ME1: variants seen among roughly 807,000 people sequenced by gnomAD.
ME1 encodes the protein NADP-dependent malic enzyme.
A neutral mutation model predicts 66.4 loss-of-function variants in ME1; 74 were observed. The observed-to-expected ratio is 1.11, with a 90% confidence interval of 0.92 to 1.35. ME1 has a LOEUF of 1.35. Among genes scored for constraint, ME1 ranks in the 40% most tolerant of loss-of-function variants. The pLI is 0.00. For missense variants in ME1, 750 were observed against 694.1 expected (o/e 1.08, Z -0.90); for synonymous variants, 251 against 235.6 (o/e 1.07, Z -0.60).
intron 3 of ME1, among the ~76,000 whole-genome samples, chr6:83,355,275 G>C (rs1414096223): frequency 1.3e-5 from 2 of 152,056 alleles, no homozygotes; most frequent in African/African-American, 4.8e-5. Flanking sequence ...TATAAATTTA[G>C]GGGGTACCAG....
chr6:83,347,362 T>A (rs1228440529), intron 4 of ME1, among the ~76,000 whole-genome samples: 1 of 152,220 alleles, frequency 6.6e-6, no homozygotes, highest in Non-Finnish European at 1.5e-5. Context: ...ATCTTTGTGA[T>A]TCATGTCAGT....
At chr6:83,329,893 C>G (rs1224142238) in intron 5 of ME1, among the ~76,000 whole-genome samples, 3 of 152,252 alleles carry the variant, frequency 2.0e-5, no homozygotes, top group African/African-American at 7.2e-5. Context: ...TGATCATAGA[C>G]AGCTCACTAT....
intron 4 of ME1, among the ~76,000 whole-genome samples, chr6:83,351,174 T>C (rs891958903): frequency 2.0e-5 from 3 of 152,068 alleles, no homozygotes; most frequent in Non-Finnish European, 4.4e-5. Flanking sequence ...GCAGGAGGAC[T>C]GCGTGAGGTC....
Position 83,238,390 on chromosome 6 carries a change from T to C in ME1, c.913-560A>G, listed in dbSNP as rs561431824. 2.6e-5 allele frequency among the ~76,000 whole-genome samples: 4 copies of C among 152,306 alleles called. No individual in the cohort carries two copies. In the South Asian group the frequency reaches 8.3e-4, roughly 32 times the overall value. On this transcript the variant is annotated intron_variant, in intron 8 of 13. Coordinates refer to ENST00000369705, the MANE Select transcript of ME1 (RefSeq NM_002395.6). Reference sequence around the variant, plus strand: ...ATAATTATCTGTGAAATTTCCAATATCTTTCCAGGGACAAACAAGTGCTAG... The same window carrying C: ...ATAATTATCTGTGAAATTTCCAATACCTTTCCAGGGACAAACAAGTGCTAG...
At chr6:83,271,058 C>T (rs1467973664) in intron 6 of ME1, among the ~76,000 whole-genome samples, 1 of 151,074 alleles carries the variant, frequency 6.6e-6, no homozygotes, top group Non-Finnish European at 1.5e-5. Flanking sequence ...AAAACTGACA[C>T]TACAATGTCA....
chr6:83,237,709 A>C lies in ME1; in HGVS notation c.1026+8T>G, dbSNP rs770531571. On this transcript the variant is annotated splice_region_variant and intron_variant, in intron 9 of 13. Transcript: ENST00000369705. The stretch of plus-strand genomic sequence containing the variant: ...TCTTTATTCTGGTTAAAAATGACAA[A>C]TTCTTACCTTAACTATTAATCCTTT... 41 of 1,526,612 alleles carry C rather than the reference A, an allele frequency of 2.7e-5. No individual in the cohort carries two copies. The highest frequency in any genetic ancestry group is 3.4e-5 in the Non-Finnish European group (38 of 1,112,970). 94.6% of individuals were successfully genotyped at this position (1,526,612 alleles called of 1,614,324 possible). A position where few individuals can be genotyped will look rare whatever the true frequency, so the allele number is the denominator to read the frequency against.
At chr6:83,244,415 G>A (rs116269035) in intron 7 of ME1, among the ~76,000 whole-genome samples, 4,303 of 152,164 alleles carry the variant, frequency 0.028, 181 homozygotes, top group African/African-American at 0.097. Context: ...GGCTAGAGAA[G>A]TTTTGGGGTC....
chr6:83,313,404 AAC>A (rs1207047804), intron 6 of ME1, among the ~76,000 whole-genome samples: 4 of 152,322 alleles, frequency 2.6e-5, no homozygotes, highest in Admixed American at 2.6e-4. Flanking sequence ...TTAAAAAAAA[AAC>A]AGTTTTCTTC....
At chr6:83,340,349 C>T (rs1466158910) in intron 5 of ME1, among the ~76,000 whole-genome samples, 1 of 151,966 alleles carries the variant, frequency 6.6e-6, no homozygotes, top group Non-Finnish European at 1.5e-5. Flanking sequence ...TAAAATAATG[C>T]CTCTAATATA....
Position 83,431,029 on chromosome 6 carries a change from G to A in ME1, c.-75C>T, listed in dbSNP as rs2127699478. ...GCGGTGCAGGCGGCGGATGCTGCTG[G>A]GGTGACGGTGCTGACTGCAGCTGTG... On this transcript the variant is annotated 5_prime_UTR_variant, in exon 1 of 14. Coordinates refer to ENST00000369705, the MANE Select transcript of ME1 (RefSeq NM_002395.6). 2 of 957,006 alleles carry A rather than the reference G, an allele frequency of 2.1e-6. No homozygotes were observed. The highest frequency in any genetic ancestry group is 1.8e-5 in the African/African-American group (1 of 56,240). The allele number at this position is 957,006 out of a possible 1,614,324, so 59.3% of individuals were successfully genotyped here. A position where few individuals can be genotyped will look rare whatever the true frequency, so the allele number is the denominator to read the frequency against.
chr6:83,295,586 T>A (rs537119555), intron 6 of ME1, among the ~76,000 whole-genome samples: 2 of 152,116 alleles, frequency 1.3e-5, no homozygotes, highest in Non-Finnish European at 2.9e-5. Flanking sequence ...CTCAGATCAC[T>A]GCAACCTCTG....
At chr6:83,413,431 T>C (rs1322466775) in intron 1 of ME1, among the ~76,000 whole-genome samples, 1 of 152,142 alleles carries the variant, frequency 6.6e-6, no homozygotes, top group African/African-American at 2.4e-5. Context: ...ATGAATTATA[T>C]ATATTTTATT....
intron 7 of ME1, 88 bp from the exon 8 acceptor site, chr6:83,239,724 A>G: frequency 2.2e-6 from 2 of 912,990 alleles, no homozygotes; most frequent in East Asian, 5.0e-5. Context: ...AATAATCATA[A>G]AACAGGTTAA....
At chr6:83,361,949 C>A (rs1395156883) in intron 3 of ME1, among the ~76,000 whole-genome samples, 1 of 152,172 alleles carries the variant, frequency 6.6e-6, no homozygotes, top group Non-Finnish European at 1.5e-5. Context: ...CTTCTCTTCC[C>A]CAGCCTGCAC....
chr6:83,346,214 C>T lies in ME1; in HGVS notation c.559G>A (p.Glu187Lys). The T allele has an allele frequency of 6.2e-7, 1 of 1,610,864 alleles. No homozygotes were observed. ...YTACGGMNPQ[E>K]CLPVILDVGT... is the part of the protein sequence containing the mutation. Reference sequence around the variant, plus strand: ...ACATCCAGAATGACAGGCAGACATTCTTGAGGATTCATCCCTCCGCAAGCT... The same window carrying T: ...ACATCCAGAATGACAGGCAGACATTTTTGAGGATTCATCCCTCCGCAAGCT... Residue 187 changes from glutamate (E) to lysine (K), a missense_variant, in exon 5 of 14, where the codon GAA becomes AAA. Glu to Lys is a moderately conservative substitution (Grantham distance 56). Coordinates refer to ENST00000369705, the MANE Select transcript of ME1 (RefSeq NM_002395.6).
intron 5 of ME1, among the ~76,000 whole-genome samples, chr6:83,316,008 T>C (rs1417703578): frequency 6.6e-6 from 1 of 152,154 alleles, no homozygotes; most frequent in Non-Finnish European, 1.5e-5. Flanking sequence ...TTTGTGTTAA[T>C]TAGAAAAGTG....
At chr6:83,415,884 A>G (rs908073228) in intron 1 of ME1, among the ~76,000 whole-genome samples, 2 of 152,160 alleles carry the variant, frequency 1.3e-5, no homozygotes, top group African/African-American at 4.8e-5. Context: ...TCTTGGTACT[A>G]GTGACATTTT....
At chr6:83,215,534 T>G (rs1039263149) in intron 13 of ME1, among the ~76,000 whole-genome samples, 1 of 152,180 alleles carries the variant, frequency 6.6e-6, no homozygotes, top group African/African-American at 2.4e-5. Context: ...CCTCAGAATG[T>G]GAGTGTATTT....
At chr6:83,419,526 A>G (rs1017128872) in intron 1 of ME1, among the ~76,000 whole-genome samples, 2 of 152,212 alleles carry the variant, frequency 1.3e-5, no homozygotes, top group South Asian at 2.1e-4. Flanking sequence ...TACTTCATAC[A>G]ATATCTCTAG....
Sources: gnomAD v4.1 joint callset for allele counts (sites outside exome capture counted in the v4.1 genomes callset) on GRCh38, gnomAD v4.1.1 for gene constraint, MANE v1.5 for transcripts, NCBI Gene and HGNC (gene_info 2026-07-23, HGNC 2026-07-21) for gene names.